The following PPM1A variants were observed in gnomAD, a reference collection of about 807,000 sequenced individuals.
The protein encoded by PPM1A is protein phosphatase, Mg2+/Mn2+ dependent 1A.
A neutral mutation model predicts 35.0 loss-of-function variants in PPM1A; 7 were observed. The observed-to-expected ratio is 0.20, with a 90% CI of 0.11 to 0.38. The LOEUF is 0.38. PPM1A is among the 10% of genes least tolerant of loss of function. The pLI is 1.00. For synonymous variants in PPM1A, 153 were observed against 167.3 expected (o/e 0.91, Z 0.66); for missense variants, 239 against 467.8 (o/e 0.51, Z 4.51).
chr14:60,255,321 G>A (rs1273362763), intron 1 of PPM1A, among the ~76,000 whole-genome samples: 2 of 150,506 alleles, frequency 1.3e-5, no homozygotes, highest in East Asian at 1.9e-4. Flanking sequence ...ACAGGCGCCC[G>A]CTACCACGCC....
At chr14:60,280,355 T>G (rs746599460) in intron 1 of PPM1A, among the ~76,000 whole-genome samples, 1 of 152,170 alleles carries the variant, frequency 6.6e-6, no homozygotes, top group African/African-American at 2.4e-5. Context: ...TTCGGAAAGG[T>G]TCAGTAGTCA....
intron 1 of PPM1A, among the ~76,000 whole-genome samples, chr14:60,265,239 C>T (rs2139406127): frequency 6.6e-6 from 1 of 152,308 alleles, no homozygotes; most frequent in Middle Eastern, 3.4e-3. Flanking sequence ...ATAATTTCAT[C>T]TAAACCGTAG....
At chr14:60,276,023 T>C (rs1885714989) in intron 1 of PPM1A, among the ~76,000 whole-genome samples, 1 of 152,200 alleles carries the variant, frequency 6.6e-6, no homozygotes, top group South Asian at 2.1e-4. Flanking sequence ...TATAGAGATG[T>C]AGCTGCAAGG....
chr14:60,249,965 G>C lies in PPM1A; in HGVS notation c.-21+288G>C, dbSNP rs1283782026. Among the ~76,000 whole-genome samples the C allele has an allele frequency of 4.6e-5, 7 of 151,724 alleles. No homozygotes were observed. The highest frequency in any genetic ancestry group is 4.4e-5 in the Non-Finnish European group (3 of 67,856). On this transcript the variant is annotated intron_variant, in intron 1 of 5. Coordinates refer to ENST00000395076, the MANE Select transcript of PPM1A (RefSeq NM_021003.5). The surrounding 1 kb of genome is among the most constrained non-coding windows in gnomAD (Gnocchi z 4.5). ...CTCTGGCCGTCCGCGGCCGAGATGG[G>C]TGTTTGTGGCGGCGAAGCAGGCGAC...
At chr14:60,284,444 A>T (rs1171870514) in intron 2 of PPM1A, among the ~76,000 whole-genome samples, 2 of 152,060 alleles carry the variant, frequency 1.3e-5, no homozygotes, top group Non-Finnish European at 2.9e-5. Context: ...GATCGAGACC[A>T]TCCTGGCTAA....
At position 60,285,471 on chromosome 14, in the gene PPM1A, C is replaced by G. The variant is rs553390089; in HGVS notation, c.835-153C>G. On this transcript the variant is annotated intron_variant, in intron 2 of 5. Transcript: ENST00000395076. The stretch of plus-strand genomic sequence containing the variant: ...GAGGGGGAGTCATTGCACACACACA[C>G]GCACGCATGCGTGCACATATGTATT... Among the ~76,000 whole-genome samples, 4 of 109,166 alleles carry G rather than the reference C, an allele frequency of 3.7e-5. No individual in the cohort carries two copies. In the East Asian group the frequency reaches 7.9e-4, roughly 22 times the overall value. The allele number at this position is 109,166 out of a possible 152,430, so 71.6% of individuals were successfully genotyped here.
In PPM1A at chr14:60,296,797, T is replaced by G. The variant is rs188425213; in HGVS notation, c.*4315T>G. 2.1e-5 allele frequency: 7 copies of G among 329,978 alleles called. No homozygotes were observed. In the Admixed American group the frequency reaches 3.0e-4, roughly 14 times the overall value. 20.4% of individuals were successfully genotyped at this position (329,978 alleles called of 1,614,324 possible). ...TGTTTGTTATTACTGATAGTCAAAA[T>G]GCTCAATAGAAATGATGAGAGGCAT... On this transcript the variant is annotated 3_prime_UTR_variant, in exon 6 of 6. Coordinates refer to ENST00000395076, the MANE Select transcript of PPM1A (RefSeq NM_021003.5). The surrounding 1 kb of genome is among the most constrained non-coding windows in gnomAD (Gnocchi z 4.4).
chr14:60,258,061 C>T (rs747965778), intron 1 of PPM1A, among the ~76,000 whole-genome samples: 5 of 151,932 alleles, frequency 3.3e-5, no homozygotes, highest in Admixed American at 6.6e-5. Context: ...CTTTGTTAGT[C>T]CATATCTGTC....
chr14:60,278,918 C>G (rs575210346), intron 1 of PPM1A, among the ~76,000 whole-genome samples: 1 of 152,238 alleles, frequency 6.6e-6, no homozygotes, highest in East Asian at 1.9e-4. Context: ...TATTATGGTT[C>G]TCCAAAAAGA....
rs1220235390 is a variant in PPM1A at position 60,276,974 on chromosome 14, A to G, written c.-20-5710A>G. On this transcript the variant is annotated intron_variant, in intron 1 of 5. Transcript: ENST00000395076. ...TTCATGAAATTTTCTGATTATATCA[A>G]ATATTAATTCAGTCTTGTTTTTTGT... 4 of 959,826 alleles carry G rather than the reference A, an allele frequency of 4.2e-6. No homozygotes were observed. The East Asian group carries it at 2.5e-4, about 61-fold the overall frequency. The allele number at this position is 959,826 out of a possible 1,614,324, so 59.5% of individuals were successfully genotyped here.
In PPM1A at chr14:60,282,594, G is replaced by A. The variant is rs1240724905; in HGVS notation, c.-20-90G>A. ...TGCTTATCGCGAGTTGTGAATTCCC[G>A]CATATCTCTTTCACTTATTAAAAAG... On this transcript the variant is annotated intron_variant, in intron 1 of 5. Coordinates refer to ENST00000395076, the MANE Select transcript of PPM1A (RefSeq NM_021003.5). This position sits in a 1 kb window ranked among gnomAD's most constrained non-coding sequence, Gnocchi z 5.1. 8.2e-6 allele frequency: 12 copies of A among 1,464,030 alleles called. No individual in the cohort carries two copies. Among genetic ancestry groups the A allele is most frequent in the African/African-American group, 4.2e-5 (3 of 70,772 alleles). 90.7% of individuals were successfully genotyped at this position (1,464,030 alleles called of 1,614,324 possible). A position where few individuals can be genotyped will look rare whatever the true frequency, so the allele number is the denominator to read the frequency against.
intron 1 of PPM1A, among the ~76,000 whole-genome samples, chr14:60,271,359 A>G (rs1310755690): frequency 2.0e-5 from 3 of 152,176 alleles, no homozygotes; most frequent in Non-Finnish European, 4.4e-5. Flanking sequence ...ATAAGGTAAC[A>G]TTTATAGGAT....
chr14:60,292,378 T>C lies in PPM1A; in HGVS notation c.1120-75T>C. 1 of 1,108,420 alleles carries C rather than the reference T, an allele frequency of 9.0e-7. No homozygotes were observed. Among genetic ancestry groups the C allele is most frequent in the Non-Finnish European group, 1.4e-6 (1 of 729,236 alleles). The allele number at this position is 1,108,420 out of a possible 1,614,324, so 68.7% of individuals were successfully genotyped here. ...CTTTACAGAACATTATCTTTCTCCA[T>C]TATCCAGAAAGTATGGTGTATTTTG... On this transcript the variant is annotated intron_variant, in intron 5 of 5. Coordinates refer to ENST00000395076, the MANE Select transcript of PPM1A (RefSeq NM_021003.5). This position sits in a 1 kb window ranked among gnomAD's most constrained non-coding sequence, Gnocchi z 4.2.
At chr14:60,286,609 C>G (rs1566603945) in intron 3 of PPM1A, 1 of 985,090 alleles carries the variant, frequency 1.0e-6, no homozygotes, top group Non-Finnish European at 1.2e-6. Context: ...GACCTCTAAT[C>G]GCATGCAAGC....
rs1882043117 is a variant in PPM1A, at chr14:60,249,389, G to C, written c.-309G>C. The C allele has an allele frequency of 3.0e-6, 3 of 984,616 alleles. No individual in the cohort carries two copies. Among genetic ancestry groups the C allele is most frequent in the Non-Finnish European group, 3.6e-6 (3 of 829,678 alleles). 61.0% of individuals were successfully genotyped at this position (984,616 alleles called of 1,614,324 possible). A position where few individuals can be genotyped will look rare whatever the true frequency, so the allele number is the denominator to read the frequency against. ...GGTGGGGGGACTCTAGACAGCTGAG[G>C]CGCGAAAGCGATGAGTCCTCGGCTC... is the stretch of plus-strand genomic sequence containing the variant. On this transcript the variant is annotated 5_prime_UTR_variant, in exon 1 of 6. Coordinates refer to ENST00000395076, the MANE Select transcript of PPM1A (RefSeq NM_021003.5). The surrounding 1 kb of genome is among the most constrained non-coding windows in gnomAD (Gnocchi z 4.5).
At chr14:60,255,101 G>T (rs1159204980) in intron 1 of PPM1A, among the ~76,000 whole-genome samples, 1 of 147,998 alleles carries the variant, frequency 6.8e-6, no homozygotes, top group Non-Finnish European at 1.5e-5. Flanking sequence ...CCCCCAGAGT[G>T]TTTAATCTCT....
At chr14:60,267,781 T>A (rs1884568237) in intron 1 of PPM1A, among the ~76,000 whole-genome samples, 1 of 152,128 alleles carries the variant, frequency 6.6e-6, no homozygotes, top group African/African-American at 2.4e-5. Flanking sequence ...GGCCAATTGT[T>A]AACATTTTTC....
intron 3 of PPM1A, chr14:60,288,280 T>C (rs928188828): frequency 7.3e-6 from 7 of 962,232 alleles, no homozygotes; most frequent in African/African-American, 5.3e-5. Flanking sequence ...ACATCAAATA[T>C]AGATGATTCA....
chr14:60,245,850 G>A (rs765051271), upstream of PPM1A: 19 of 1,588,296 alleles, frequency 1.2e-5, no homozygotes, highest in African/African-American at 2.0e-4. The surrounding 1 kb of genome is among the most constrained non-coding windows in gnomAD (Gnocchi z 4.2). Flanking sequence ...CTGCTCGCAT[G>A]TTCTGTTCTG....
Sources: allele counts gnomAD v4.1 joint callset (sites outside exome capture counted in the v4.1 genomes callset), GRCh38; gene constraint gnomAD v4.1.1; non-coding constraint Gnocchi (gnomAD v3.1); transcripts MANE v1.5; gene names NCBI Gene and HGNC (gene_info 2026-07-23, HGNC 2026-07-21).